The following SH2B3 variants were observed in gnomAD, a reference collection of about 807,000 sequenced individuals.
SH2B3 encodes the protein SH2B adaptor protein 3.
A neutral mutation model predicts 51.9 loss-of-function variants in SH2B3; 43 were observed. That is an observed-to-expected ratio of 0.83 (90% confidence interval 0.65 to 1.07). The LOEUF (loss-of-function observed/expected upper bound fraction) is 1.07. Among genes scored for constraint, SH2B3 ranks in the 50% least tolerant of loss-of-function variants. SH2B3 has a pLI of 0.00. For missense variants in SH2B3, 952 were observed against 834.3 expected, an observed-to-expected ratio of 1.14 and a Z score of -1.74; for synonymous variants, 396 against 376.0, an observed-to-expected ratio of 1.05 and a Z score of -0.62.
intron 1 of SH2B3, among the ~76,000 whole-genome samples, chr12:111,413,549 A>G (rs972505391): frequency 6.6e-6 from 1 of 152,136 alleles, no homozygotes; most frequent in African/African-American, 2.4e-5. Flanking sequence ...AGCTGTTTTG[A>G]GGAAGGCTCC....
At chr12:111,439,223 C>T (rs1873174316) in intron 2 of SH2B3, among the ~76,000 whole-genome samples, 1 of 152,158 alleles carries the variant, frequency 6.6e-6, no homozygotes, top group East Asian at 1.9e-4. Flanking sequence ...GATCTTGGCT[C>T]ACCACAACCT....
Position 111,435,311 on chromosome 12 carries a change from A to G in SH2B3, c.733-11442A>G, listed in dbSNP as rs1436214485. Among the ~76,000 whole-genome samples the G allele has an allele frequency of 6.6e-6, 1 of 152,030 alleles. No individual in the cohort carries two copies. Among genetic ancestry groups the G allele is most frequent in the East Asian group, 1.9e-4 (1 of 5,184 alleles). ...ACAGTAGACCCAGCCCTGGGGCCCC[A>G]TGATACCCTCGGTGATCGTCACAGA... On this transcript the variant is annotated intron_variant, in intron 2 of 7. Transcript: ENST00000341259. This position sits in a 1 kb window ranked among gnomAD's most constrained non-coding sequence, Gnocchi z 4.8.
intron 2 of SH2B3, among the ~76,000 whole-genome samples, chr12:111,419,366 G>A (rs546424328): frequency 1.3e-5 from 2 of 148,724 alleles, no homozygotes; most frequent in African/African-American, 5.0e-5. Flanking sequence ...GCCAGGTGCA[G>A]TGGGTCACGC....
chr12:111,418,595 G>C lies in SH2B3; in HGVS notation c.450G>C (p.Ser150=). 2.0e-6 allele frequency: 3 copies of C among 1,490,618 alleles called. No homozygotes were observed. Among genetic ancestry groups the C allele is most frequent in the East Asian group, 2.9e-5 (1 of 34,034 alleles). 92.3% of individuals were successfully genotyped at this position (1,490,618 alleles called of 1,614,324 possible). Residue 150 remains serine, a synonymous_variant, in exon 2 of 8, where the codon TCG becomes TCC. Coordinates refer to ENST00000341259, the MANE Select transcript of SH2B3 (RefSeq NM_005475.3). The surrounding 1 kb of genome is among the most constrained non-coding windows in gnomAD (Gnocchi z 6.7). ...RSLRHIFRRR[S]AGELPAAHTA... ...TCCGCCACATCTTCCGCCGCCGCTC[G>C]GCCGGGGAGCTGCCAGCGGCCCACA...
At chr12:111,443,345 G>A (rs1873616280) in intron 2 of SH2B3, 2 of 152,250 alleles carry the variant, frequency 1.3e-5, no homozygotes, top group Admixed American at 6.5e-5. Context: ...AAGGGAGCCT[G>A]GAACTGCATT....
rs1007509635 is a variant in SH2B3 at position 111,428,952 on chromosome 12, G to A, written c.732+10075G>A. Among the ~76,000 whole-genome samples the A allele has an allele frequency of 2.0e-5, 3 of 151,880 alleles. No homozygotes were observed. In the East Asian group the frequency reaches 5.9e-4, roughly 30 times the overall value. The stretch of plus-strand genomic sequence containing the variant: ...CCCCCATGCCTCCGGGTGTGGGAAA[G>A]GGGAAGCAGAAAGAAAGGGACGTCC... On this transcript the variant is annotated intron_variant, in intron 2 of 7. Coordinates refer to ENST00000341259, the MANE Select transcript of SH2B3 (RefSeq NM_005475.3).
intron 2 of SH2B3, among the ~76,000 whole-genome samples, chr12:111,422,636 C>CT (rs1871650609): frequency 6.6e-6 from 1 of 151,848 alleles, no homozygotes; most frequent in African/African-American, 2.4e-5. Context: ...TCTCGGCTCA[C>CT]TGCAACCTCT....
chr12:111,430,830 A>C (rs1217459888), intron 2 of SH2B3, among the ~76,000 whole-genome samples: 1 of 152,144 alleles, frequency 6.6e-6, no homozygotes, highest in African/African-American at 2.4e-5. Flanking sequence ...GGGCAGAAAA[A>C]GGGGAAGGAG....
At chr12:111,425,880 T>C (rs723984) in intron 2 of SH2B3, among the ~76,000 whole-genome samples, 19 of 152,132 alleles carry the variant, frequency 1.2e-4, no homozygotes, top group African/African-American at 3.6e-4. Flanking sequence ...GACATGCCTT[T>C]CATCACCCAT....
Position 111,435,654 on chromosome 12 carries a change from A to C in SH2B3, c.733-11099A>C, listed in dbSNP as rs1018054251. ...TTACAGGCGTGAACAACCCCCACCC[A>C]CTGCAGGGAGCCAGGCTTGCCCCCT... On this transcript the variant is annotated intron_variant, in intron 2 of 7. Coordinates refer to ENST00000341259, the MANE Select transcript of SH2B3 (RefSeq NM_005475.3). This position sits in a 1 kb window ranked among gnomAD's most constrained non-coding sequence, Gnocchi z 4.8. Among the ~76,000 whole-genome samples the C allele has an allele frequency of 1.7e-4, 26 of 151,850 alleles. No homozygotes were observed. Among genetic ancestry groups the C allele is most frequent in the East Asian group, 1.9e-4 (1 of 5,168 alleles).
rs772004583 is a variant in SH2B3 at position 111,448,106 on chromosome 12, G to A, written c.1532G>A (p.Ser511Asn). The A allele has an allele frequency of 3.7e-6, 6 of 1,614,122 alleles. No individual in the cohort carries two copies. The highest frequency in any genetic ancestry group is 5.1e-6 in the Non-Finnish European group (6 of 1,180,022). ...TCTTCTGGCTGTCCCCGGGGGCTCAGCCCAGAGGGTCTCCCAGGGCGATCC... is the reference window on the plus strand; with the variant it reads ...TCTTCTGGCTGTCCCCGGGGGCTCAACCCAGAGGGTCTCCCAGGGCGATCC... ...LSSSGCPRGL[S>N]PEGLPGRSSP... The change falls in exon 8 of 8, where the codon AGC (serine) becomes AAC (asparagine). Residue 511 changes from serine to asparagine, a missense_variant. By Grantham distance (46) the Ser-to-Asn change is conservative (BLOSUM62 1). Transcript: ENST00000341259.
chr12:111,447,864 G>T (rs925293699), intron 7 of SH2B3, 37 bp downstream of exon 7: 1 of 1,602,458 alleles, frequency 6.2e-7, no homozygotes, highest in South Asian at 1.1e-5. Context: ...GGGGGTGGCT[G>T]ACACTGGGTA....
At chr12:111,447,616 TAG>T in intron 6 of SH2B3, 38 bp from the exon 7 acceptor site, 3 of 1,610,248 alleles carry the variant, frequency 1.9e-6, no homozygotes, top group Non-Finnish European at 2.5e-6. Flanking sequence ...TTCAGGGTCC[TAG>T]AGGGACAGCC....
rs1331276317 is a variant in SH2B3, at chr12:111,450,797, C to CT, written c.*2498dup. 2.6e-5 allele frequency: 4 copies of CT among 152,086 alleles called. No homozygotes were observed. The highest frequency in any genetic ancestry group is 9.7e-5 in the African/African-American group (4 of 41,234). 9.4% of individuals were successfully genotyped at this position (152,086 alleles called of 1,614,324 possible). On this transcript the variant is annotated 3_prime_UTR_variant, in exon 8 of 8. Coordinates refer to ENST00000341259, the MANE Select transcript of SH2B3 (RefSeq NM_005475.3). ...GAAGTGACACTAAGCCAACACCTTT[C>CT]TTTATGTGGGAGCAGAATCAGCTGA...
chr12:111,415,321 C>T (rs947639092), intron 1 of SH2B3, among the ~76,000 whole-genome samples: 2 of 152,170 alleles, frequency 1.3e-5, no homozygotes, highest in Non-Finnish European at 2.9e-5. Context: ...GGCCCAGGCC[C>T]AGCGAGGGTC....
intron 1 of SH2B3, among the ~76,000 whole-genome samples, chr12:111,412,068 A>G (rs1268444977): frequency 6.6e-6 from 1 of 152,114 alleles, no homozygotes; most frequent in Non-Finnish European, 1.5e-5. Context: ...CCCCCAACTC[A>G]TACCCTACAG....
rs147479983 is a variant in SH2B3, at chr12:111,421,636, C to T, written c.732+2759C>T. 3.0e-3 allele frequency among the ~76,000 whole-genome samples: 462 copies of T among 151,862 alleles called. 3 individuals carry two copies. The highest frequency in any genetic ancestry group is 0.02 in the Middle Eastern group (6 of 294). On this transcript the variant is annotated intron_variant, in intron 2 of 7. Coordinates refer to ENST00000341259, the MANE Select transcript of SH2B3 (RefSeq NM_005475.3). Reference sequence around the variant, plus strand: ...TTCACCATGTTGTCAAGGCTGGTCTCGAACTCCTGGGCTCAAATGGTCCCC... The same window carrying T: ...TTCACCATGTTGTCAAGGCTGGTCTTGAACTCCTGGGCTCAAATGGTCCCC...
At chr12:111,411,848 A>G (rs73428136) in intron 1 of SH2B3, among the ~76,000 whole-genome samples, 5,335 of 152,284 alleles carry the variant, frequency 0.035, 334 homozygotes, top group African/African-American at 0.12. Flanking sequence ...CCTTCTGCAC[A>G]TCATCCTGCC....
In SH2B3 at chr12:111,435,265, C is replaced by T. The variant is rs2135580437; in HGVS notation, c.733-11488C>T. Among the ~76,000 whole-genome samples the T allele has an allele frequency of 6.6e-6, 1 of 152,354 alleles. No homozygotes were observed. The highest frequency in any genetic ancestry group is 2.4e-5 in the African/African-American group (1 of 41,584). ...CGGTGCCCCATTCAAGCCTGGGGAC[C>T]TGGCCCCACTGGTGTGTGCTACAGT... On this transcript the variant is annotated intron_variant, in intron 2 of 7. Coordinates refer to ENST00000341259, the MANE Select transcript of SH2B3 (RefSeq NM_005475.3). The surrounding 1 kb of genome is among the most constrained non-coding windows in gnomAD (Gnocchi z 4.8).
Sources: gnomAD v4.1 joint callset for allele counts (sites outside exome capture counted in the v4.1 genomes callset) on GRCh38, gnomAD v4.1.1 for gene constraint, Gnocchi (gnomAD v3.1) non-coding constraint, MANE v1.5 for transcripts, NCBI Gene and HGNC (gene_info 2026-07-23, HGNC 2026-07-21) for gene names.